Variants in LMBR1 observed in about 807,000 individuals in gnomAD.
The protein encoded by LMBR1 is limb region 1 protein homolog.
In LMBR1, 52 loss-of-function variants were observed where a neutral mutation model predicts 73.9. The ratio of observed to expected loss-of-function variants is 0.70; its 90% CI spans 0.56 to 0.89. LMBR1 has a LOEUF of 0.89. LMBR1 is among the 40% of genes least tolerant of loss of function. The pLI is 0.00. For synonymous variants in LMBR1, 215 were observed against 209.4 expected (o/e 1.03, Z -0.23); for missense variants, 539 against 579.8 (o/e 0.93, Z 0.72).
intron 16 of LMBR1, 59 bp from the exon 17 acceptor site, chr7:156,684,222 G>A (rs1805529073): frequency 1.5e-6 from 2 of 1,310,462 alleles, no homozygotes; most frequent in Admixed American, 3.4e-5. Flanking sequence ...CTGGGAAAGG[G>A]TTAGGGTAGG....
chr7:156,730,923 C>A (rs1035073461), intron 10 of LMBR1, among the ~76,000 whole-genome samples: 1 of 149,686 alleles, frequency 6.7e-6, no homozygotes, highest in African/African-American at 2.5e-5. Flanking sequence ...GCAACAAGAG[C>A]GAAACTCCAT....
chr7:156,803,183 G>A (rs1831321613), intron 4 of LMBR1, among the ~76,000 whole-genome samples: 1 of 152,080 alleles, frequency 6.6e-6, no homozygotes, highest in Admixed American at 6.5e-5. Context: ...CTTCTGCACA[G>A]CAAAAGAAAC....
chr7:156,747,997 T>A (rs1195779097), intron 9 of LMBR1: 1 of 152,210 alleles, frequency 6.6e-6, no homozygotes, highest in Non-Finnish European at 1.5e-5. Flanking sequence ...GACATTCAAA[T>A]CTCTAATGTA....
intron 15 of LMBR1, among the ~76,000 whole-genome samples, chr7:156,699,435 C>G (rs1404472945): frequency 2.0e-5 from 3 of 151,418 alleles, no homozygotes; most frequent in Non-Finnish European, 4.4e-5. Flanking sequence ...AATGTTAGAC[C>G]TAAAACCATA....
intron 9 of LMBR1, among the ~76,000 whole-genome samples, chr7:156,754,934 T>C (rs1821577579): frequency 1.3e-5 from 2 of 152,228 alleles, no homozygotes; most frequent in Admixed American, 6.5e-5. Flanking sequence ...CCACAGTGGC[T>C]AACCAGCAGC....
chr7:156,828,331 GA>G (rs1313603285), intron 3 of LMBR1, among the ~76,000 whole-genome samples: 1 of 152,114 alleles, frequency 6.6e-6, no homozygotes, highest in Non-Finnish European at 1.5e-5. Context: ...ACTCATACAT[GA>G]ATTTCAAGAC....
At position 156,727,935 on chromosome 7, in the gene LMBR1, T is replaced by C. The variant is rs1816095655; in HGVS notation, c.988A>G (p.Thr330Ala). ...LVDETAMPKG[T>A]RGPGIGNASL... ...TTTAAAGGATTTTACTTTACCCTTG[T>C]TCCTTTTGGCATTGCTGTTTCATCA... Residue 330 changes from threonine to alanine, a missense_variant, in exon 12 of 17, where the codon ACA (threonine) becomes GCA (alanine). Thr to Ala is a moderately conservative substitution (Grantham distance 58, BLOSUM62 0). This residue lies in a region of LMBR1 where 454 missense variants were observed against 473.4 expected (regional missense o/e 0.96). Coordinates refer to ENST00000353442, the MANE Select transcript of LMBR1 (RefSeq NM_022458.4). 3 of 1,611,426 alleles carry C rather than the reference T, an allele frequency of 1.9e-6. No homozygotes were observed. Among genetic ancestry groups the C allele is most frequent in the African/African-American group, 2.7e-5 (2 of 74,858 alleles).
downstream of LMBR1, chr7:156,675,897 C>T (rs773837953): frequency 1.9e-6 from 3 of 1,600,138 alleles, no homozygotes; most frequent in East Asian, 4.5e-5. Context: ...AACCAGCAGA[C>T]TCAGCTGCAG....
At chr7:156,844,155 T>G (rs1185604373) in intron 1 of LMBR1, among the ~76,000 whole-genome samples, 1 of 151,738 alleles carries the variant, frequency 6.6e-6, no homozygotes, top group South Asian at 2.1e-4. Context: ...AGAAACCCCG[T>G]CTCTACAAAA....
intron 4 of LMBR1, among the ~76,000 whole-genome samples, chr7:156,806,256 G>A (rs1832052155): frequency 6.6e-6 from 1 of 151,958 alleles, no homozygotes; most frequent in Non-Finnish European, 1.5e-5. Context: ...AGTGATATTG[G>A]GTTGTAAATT....
intron 15 of LMBR1, among the ~76,000 whole-genome samples, chr7:156,705,001 A>G (rs1254632297): frequency 6.6e-6 from 1 of 152,168 alleles, no homozygotes; most frequent in Non-Finnish European, 1.5e-5. Flanking sequence ...AAAGATCAAA[A>G]AGTTTAGAAA....
At chr7:156,780,865 T>C (rs750942398) in intron 5 of LMBR1, among the ~76,000 whole-genome samples, 14 of 152,158 alleles carry the variant, frequency 9.2e-5, no homozygotes, top group Admixed American at 5.9e-4. Context: ...ACCTCCCCAG[T>C]GACAGAAATA....
intron 1 of LMBR1, among the ~76,000 whole-genome samples, chr7:156,841,316 T>C (rs979930560): frequency 2.0e-5 from 3 of 152,064 alleles, no homozygotes; most frequent in Non-Finnish European, 4.4e-5. Context: ...GGATGGGCAG[T>C]TGGATAAAAA....
chr7:156,831,072 T>C (rs544460685), intron 3 of LMBR1, among the ~76,000 whole-genome samples: 1 of 152,168 alleles, frequency 6.6e-6, no homozygotes, highest in Non-Finnish European at 1.5e-5. Flanking sequence ...GGTTTCAATA[T>C]TAAGTGTGGC....
In LMBR1 at chr7:156,765,821, A is replaced by G. The variant is rs1229948416; in HGVS notation, c.424-2026T>C. ...CTAAAGAGTAGGGCTCCCAAAACAA[A>G]TAACACATGCATTATACCTGTAATA... On this transcript the variant is annotated intron_variant, in intron 5 of 16. Coordinates refer to ENST00000353442, the MANE Select transcript of LMBR1 (RefSeq NM_022458.4). Among the ~76,000 whole-genome samples, 5 of 152,286 alleles carry G rather than the reference A, an allele frequency of 3.3e-5. No homozygotes were observed. In the East Asian group the frequency reaches 7.7e-4, roughly 24 times the overall value.
intron 1 of LMBR1, chr7:156,871,964 A>G (rs748426326): frequency 6.6e-6 from 1 of 152,244 alleles, no homozygotes; most frequent in African/African-American, 2.4e-5. Flanking sequence ...AAAAAGAAAT[A>G]AAACGCATTC....
intron 1 of LMBR1, among the ~76,000 whole-genome samples, chr7:156,881,222 G>T (rs984704346): frequency 1.3e-5 from 2 of 152,200 alleles, no homozygotes; most frequent in African/African-American, 4.8e-5. Context: ...ACACAAGGCT[G>T]CAAATAATAC....
rs1037179749 is a variant in LMBR1, at chr7:156,796,617, A to C, written c.320-125T>G. The C allele has an allele frequency of 1.2e-5, 6 of 509,676 alleles. No homozygotes were observed. In the African/African-American group the frequency reaches 1.2e-4, roughly 10 times the overall value. 31.6% of individuals were successfully genotyped at this position (509,676 alleles called of 1,614,324 possible). On this transcript the variant is annotated intron_variant, in intron 4 of 16. Transcript: ENST00000353442. ...AGTAACAAATGACCTAAACTTAGAAATCATAAAATAATTATAGTATGTATT... is the reference window on the plus strand; with the variant it reads ...AGTAACAAATGACCTAAACTTAGAACTCATAAAATAATTATAGTATGTATT...
At chr7:156,750,514 C>A (rs867506363) in intron 9 of LMBR1, among the ~76,000 whole-genome samples, 2 of 152,128 alleles carry the variant, frequency 1.3e-5, no homozygotes, top group Non-Finnish European at 2.9e-5. Flanking sequence ...GGTCTTCCTG[C>A]CTCTCAACGT....
Sources: gnomAD v4.1 joint callset for allele counts (sites outside exome capture counted in the v4.1 genomes callset) on GRCh38, gnomAD v4.1.1 for gene constraint, gnomAD v4.1.1 regional missense constraint, MANE v1.5 for transcripts, NCBI Gene and HGNC (gene_info 2026-07-23, HGNC 2026-07-21) for gene names.